Variants in CREB5 observed in about 807,000 individuals in gnomAD.
CREB5 encodes the protein cyclic AMP-responsive element-binding protein 5.
Under a neutral mutation model 57.1 loss-of-function variants are expected in CREB5, and 19 were observed. The observed-to-expected ratio is 0.33, with a 90% CI of 0.23 to 0.49. The LOEUF is 0.49. Ranked by LOEUF, CREB5 falls within the 20% of genes least tolerant of loss-of-function variation. CREB5 has a pLI of 0.99. For synonymous variants in CREB5, 238 were observed against 238.3 expected (o/e 1.00, Z 0.01); for missense variants, 579 against 671.6 (o/e 0.86, Z 1.52).
At chr7:28,417,303 A>G (rs1788066844) in intron 1 of CREB5, among the ~76,000 whole-genome samples, 1 of 152,148 alleles carries the variant, frequency 6.6e-6, no homozygotes, top group African/African-American at 2.4e-5. Context: ...TTAAACATAT[A>G]ATCCATATAA....
intron 4 of CREB5, among the ~76,000 whole-genome samples, chr7:28,510,524 C>T (rs576245982): frequency 5.2e-4 from 79 of 152,330 alleles, no homozygotes; most frequent in African/African-American, 1.7e-3. Flanking sequence ...GTTCTGCACA[C>T]CACCTTTAAA....
rs1583418934 is a variant in CREB5 at position 28,396,909 on chromosome 7, A to C, written c.-25+97468A>C. 1.3e-5 allele frequency among the ~76,000 whole-genome samples: 2 copies of C among 152,094 alleles called. 1 individual carries two copies. The highest frequency in any genetic ancestry group is 2.9e-5 in the Non-Finnish European group (2 of 67,992). ...ACACTGGATTATTTATCCCTTATTC[A>C]TTTCACTAGGCTTTCAGTATAAAAG... On this transcript the variant is annotated intron_variant, in intron 1 of 9. Transcript: ENST00000396299.
At chr7:28,613,304 A>G (rs1797468233) in intron 5 of CREB5, among the ~76,000 whole-genome samples, 2 of 152,216 alleles carry the variant, frequency 1.3e-5, no homozygotes, top group African/African-American at 4.8e-5. Context: ...TGGGTCTGAA[A>G]CTGATGGCAC....
chr7:28,549,558 C>T (rs1374876904), intron 4 of CREB5, among the ~76,000 whole-genome samples: 1 of 152,232 alleles, frequency 6.6e-6, no homozygotes, highest in African/African-American at 2.4e-5. Flanking sequence ...TGCTTATGTT[C>T]AGGATAGCAT....
chr7:28,776,254 C>T (rs906556680), intron 7 of CREB5, among the ~76,000 whole-genome samples: 1 of 150,912 alleles, frequency 6.6e-6, no homozygotes, highest in East Asian at 2.0e-4. Context: ...GGAAGAACGG[C>T]GTGATCCCGG....
At chr7:28,420,506 T>C (rs1788200170) in intron 1 of CREB5, among the ~76,000 whole-genome samples, 1 of 152,166 alleles carries the variant, frequency 6.6e-6, no homozygotes, top group African/African-American at 2.4e-5. Context: ...AACTGTATAC[T>C]TAAAAATGGT....
intron 5 of CREB5, 114 bp downstream of exon 5, chr7:28,570,651 T>C: frequency 1.7e-6 from 2 of 1,202,632 alleles, no homozygotes; most frequent in Non-Finnish European, 2.3e-6. Flanking sequence ...TGTCATGATA[T>C]TGCCTAGAGC....
chr7:28,309,008 T>TC (rs1785232754), intron 1 of CREB5, among the ~76,000 whole-genome samples: 1 of 151,952 alleles, frequency 6.6e-6, no homozygotes, highest in South Asian at 2.1e-4. Flanking sequence ...AGACCAACTA[T>TC]CCCCCCAGCA....
intron 1 of CREB5, among the ~76,000 whole-genome samples, chr7:28,380,970 T>C (rs756911344): frequency 2.6e-5 from 4 of 152,174 alleles, no homozygotes; most frequent in African/African-American, 4.8e-5. Flanking sequence ...ATGTTGTCTG[T>C]AGTGAATTTT....
intron 1 of CREB5, among the ~76,000 whole-genome samples, chr7:28,417,046 A>G (rs937321416): frequency 1.4e-4 from 22 of 152,234 alleles, no homozygotes; most frequent in African/African-American, 5.3e-4. Context: ...GAGCAGCCTG[A>G]GACTGGAGGA....
intron 5 of CREB5, among the ~76,000 whole-genome samples, chr7:28,686,533 A>C (rs748590574): frequency 1.3e-5 from 2 of 152,074 alleles, no homozygotes; most frequent in Non-Finnish European, 2.9e-5. Flanking sequence ...AAGGGCCACA[A>C]ATAAAGAGCG....
At chr7:28,437,959 C>G (rs1414766812) in intron 1 of CREB5, among the ~76,000 whole-genome samples, 1 of 152,046 alleles carries the variant, frequency 6.6e-6, no homozygotes, top group Non-Finnish European at 1.5e-5. Context: ...TTTACAAACA[C>G]CAGTCATTTA....
At chr7:28,728,560 T>C (rs1267051361) in intron 7 of CREB5, among the ~76,000 whole-genome samples, 3 of 152,230 alleles carry the variant, frequency 2.0e-5, no homozygotes, top group African/African-American at 7.2e-5. Context: ...TAAACAGGAC[T>C]CTGTAGCCTC....
chr7:28,678,142 C>T (rs1562565999), intron 5 of CREB5, among the ~76,000 whole-genome samples: 4 of 152,198 alleles, frequency 2.6e-5, no homozygotes, highest in African/African-American at 9.7e-5. Flanking sequence ...AATCCCAGAA[C>T]TTTGGGAGGC....
At chr7:28,450,038 A>T (rs1187005843) in intron 1 of CREB5, among the ~76,000 whole-genome samples, 2 of 152,194 alleles carry the variant, frequency 1.3e-5, no homozygotes, top group African/African-American at 2.4e-5. Context: ...GGACCACCGG[A>T]ATGAAATCAC....
chr7:28,699,890 C>T (rs1368860832), intron 5 of CREB5, among the ~76,000 whole-genome samples: 1 of 152,110 alleles, frequency 6.6e-6, no homozygotes, highest in Non-Finnish European at 1.5e-5. Flanking sequence ...CAAAAACGAC[C>T]AAAGTGTGCA....
At chr7:28,709,989 T>C (rs1802323516) in intron 5 of CREB5, among the ~76,000 whole-genome samples, 1 of 152,222 alleles carries the variant, frequency 6.6e-6, no homozygotes, top group African/African-American at 2.4e-5. Flanking sequence ...ATCCAATTTT[T>C]AAAACATAGT....
At chr7:28,722,990 A>T (rs191703950) in intron 6 of CREB5, among the ~76,000 whole-genome samples, 1 of 152,218 alleles carries the variant, frequency 6.6e-6, no homozygotes, top group Non-Finnish European at 1.5e-5. Flanking sequence ...ATTTAGTTCA[A>T]TGAGCCCTCT....
intron 1 of CREB5, among the ~76,000 whole-genome samples, chr7:28,303,165 G>T (rs1434312280): frequency 1.3e-5 from 2 of 148,370 alleles, no homozygotes; most frequent in Non-Finnish European, 3.0e-5. Flanking sequence ...AAAAGAATTA[G>T]TTATAGCTTA....
Sources: allele counts gnomAD v4.1 joint callset (sites outside exome capture counted in the v4.1 genomes callset), GRCh38; gene constraint gnomAD v4.1.1; transcripts MANE v1.5; gene names NCBI Gene and HGNC (gene_info 2026-07-23, HGNC 2026-07-21).